The following RANBP17 variants were observed in gnomAD, a reference collection of about 807,000 sequenced individuals.
The protein encoded by RANBP17 is ran-binding protein 17.
RANBP17 carries 158 observed loss-of-function variants against 141.2 expected under a neutral mutation model. The ratio of observed to expected loss-of-function variants is 1.12; its 90% CI spans 0.98 to 1.28. The LOEUF (loss-of-function observed/expected upper bound fraction) is 1.28, where lower values mean the gene tolerates loss of function less well. Among genes scored for constraint, RANBP17 ranks in the 50% most tolerant of loss-of-function variants. The pLI is 0.00. For synonymous variants in RANBP17, 430 were observed against 450.0 expected, an observed-to-expected ratio of 0.96 and a Z score of 0.56; for missense variants, 1,438 against 1,290.7, an observed-to-expected ratio of 1.11 and a Z score of -1.75.
intron 5 of RANBP17, among the ~76,000 whole-genome samples, chr5:170,905,122 T>A (rs949628147): frequency 6.6e-6 from 1 of 152,188 alleles, no homozygotes; most frequent in African/African-American, 2.4e-5. Flanking sequence ...TTATGGCTCC[T>A]AGTTTGGATT....
At position 170,919,461 on chromosome 5, in the gene RANBP17, C is replaced by G; in HGVS notation, c.1122C>G (p.Asn374Lys). 1.9e-6 allele frequency: 3 copies of G among 1,597,128 alleles called. No individual in the cohort carries two copies. Among genetic ancestry groups the G allele is most frequent in the Non-Finnish European group, 2.6e-6 (3 of 1,174,092 alleles). Residue 374 changes from asparagine (N) to lysine (K), a missense_variant, in exon 11 of 28, where the codon AAC (asparagine) becomes AAG (lysine). Physicochemically the swap from Asn to Lys is moderately conservative, Grantham distance 94. Coordinates refer to ENST00000523189, the MANE Select transcript of RANBP17 (RefSeq NM_022897.5). Reference sequence around the variant, plus strand: ...TGTAGCACTGGGAATTTGCTCCTAACAGTGTTCATTATTTATTAACTCTGT... The same window carrying G: ...TGTAGCACTGGGAATTTGCTCCTAAGAGTGTTCATTATTTATTAACTCTGT... ...TSLQHWEFAP[N>K]SVHYLLTLWQ...
intron 25 of RANBP17, among the ~76,000 whole-genome samples, chr5:171,279,210 T>C (rs1373739715): frequency 2.6e-5 from 4 of 152,208 alleles, no homozygotes; most frequent in Non-Finnish European, 5.9e-5. Flanking sequence ...GACTTTTTTC[T>C]TACCTGTTCC....
At chr5:171,026,894 C>A (rs1333375528) in intron 14 of RANBP17, among the ~76,000 whole-genome samples, 2 of 152,178 alleles carry the variant, frequency 1.3e-5, no homozygotes, top group African/African-American at 2.4e-5. Flanking sequence ...ACCTGGACTA[C>A]ATGGCAGGAG....
chr5:170,897,339 C>T (rs1167361632), intron 5 of RANBP17: 1 of 549,838 alleles, frequency 1.8e-6, no homozygotes, highest in Non-Finnish European at 3.5e-6. Context: ...GGGCTTGGCA[C>T]ATTTCTTCTT....
chr5:170,924,342 A>G lies in RANBP17; in HGVS notation c.1275-15A>G. 4.6e-6 allele frequency: 7 copies of G among 1,530,724 alleles called. No homozygotes were observed. Among genetic ancestry groups the G allele is most frequent in the Non-Finnish European group, 6.2e-6 (7 of 1,120,102 alleles). 94.8% of individuals were successfully genotyped at this position (1,530,724 alleles called of 1,614,324 possible). ...ACATTCTAATGTTGTCTGCAAACTT[A>G]TTCTGTGTTTGCAGAGATCACTTAG... is the stretch of plus-strand genomic sequence containing the variant. On this transcript the variant is annotated splice_polypyrimidine_tract_variant and intron_variant, in intron 11 of 27. Coordinates refer to ENST00000523189, the MANE Select transcript of RANBP17 (RefSeq NM_022897.5).
intron 16 of RANBP17, among the ~76,000 whole-genome samples, chr5:171,176,868 T>A (rs1385576879): frequency 1.3e-5 from 2 of 152,160 alleles, no homozygotes; most frequent in Non-Finnish European, 2.9e-5. Context: ...GAATCCTGAA[T>A]GTGGTAGGTG....
At chr5:171,294,945 A>G (rs879757641) in intron 26 of RANBP17, among the ~76,000 whole-genome samples, 5 of 152,248 alleles carry the variant, frequency 3.3e-5, no homozygotes, top group Non-Finnish European at 5.9e-5. Context: ...TCACTGCATC[A>G]TTATAAAAGG....
chr5:171,211,728 T>G (rs1365865666), intron 20 of RANBP17, among the ~76,000 whole-genome samples: 1 of 151,770 alleles, frequency 6.6e-6, no homozygotes, highest in Non-Finnish European at 1.5e-5. Context: ...GAAAACTGTT[T>G]CAGTATATAC....
intron 25 of RANBP17, among the ~76,000 whole-genome samples, chr5:171,274,100 TA>T (rs1212954285): frequency 6.7e-6 from 1 of 149,808 alleles, no homozygotes; most frequent in African/African-American, 2.5e-5. Context: ...AAATAAAGTT[TA>T]GTTTGATCAA....
intron 16 of RANBP17, among the ~76,000 whole-genome samples, chr5:171,172,193 G>C (rs1760143322): frequency 6.6e-6 from 1 of 151,776 alleles, no homozygotes; most frequent in African/African-American, 2.4e-5. Context: ...AACCATAAAA[G>C]ATTTCCAAAG....
intron 18 of RANBP17, among the ~76,000 whole-genome samples, chr5:171,183,722 A>G (rs1167204556): frequency 1.3e-5 from 2 of 152,206 alleles, no homozygotes; most frequent in African/African-American, 4.8e-5. Context: ...CTATGAATCT[A>G]GGAATAATCT....
At chr5:171,055,902 A>AAC (rs1783327042) in intron 14 of RANBP17, among the ~76,000 whole-genome samples, 2 of 151,516 alleles carry the variant, frequency 1.3e-5, no homozygotes, top group African/African-American at 2.4e-5. Flanking sequence ...AAAAACAAAA[A>AAC]AAAAAACATT....
intron 24 of RANBP17, among the ~76,000 whole-genome samples, chr5:171,265,164 AATCT>A (rs1766586408): frequency 6.6e-6 from 1 of 152,224 alleles, no homozygotes; most frequent in Non-Finnish European, 1.5e-5. Context: ...AAATCTGCCT[AATCT>A]ATCCAGGAAT....
chr5:170,954,096 G>A (rs577415889), intron 13 of RANBP17, among the ~76,000 whole-genome samples: 3 of 152,202 alleles, frequency 2.0e-5, no homozygotes, highest in African/African-American at 7.2e-5. Flanking sequence ...ACAGTCTTAG[G>A]AAAAAGCAGT....
chr5:171,105,282 T>C (rs1300478717), intron 14 of RANBP17, among the ~76,000 whole-genome samples: 3 of 142,050 alleles, frequency 2.1e-5, no homozygotes, highest in Admixed American at 1.5e-4. Flanking sequence ...CTTGGGAGGC[T>C]GAGGCAGGAG....
intron 3 of RANBP17, among the ~76,000 whole-genome samples, chr5:170,890,264 A>G (rs1380292934): frequency 6.6e-6 from 1 of 152,232 alleles, no homozygotes; most frequent in Non-Finnish European, 1.5e-5. Context: ...TTTTATATTC[A>G]GGAAGCAGTG....
intron 25 of RANBP17, among the ~76,000 whole-genome samples, chr5:171,290,610 C>T (rs567506229): frequency 2.6e-5 from 4 of 152,276 alleles, no homozygotes; most frequent in African/African-American, 9.6e-5. Context: ...ACAACAGAAA[C>T]ATTGTCATTC....
At chr5:171,068,765 A>G (rs1784458499) in intron 14 of RANBP17, among the ~76,000 whole-genome samples, 1 of 151,882 alleles carries the variant, frequency 6.6e-6, no homozygotes, top group Non-Finnish European at 1.5e-5. Context: ...TTTTGTTTGT[A>G]TTTTTAGTAG....
chr5:171,063,690 A>G (rs1056683924), intron 14 of RANBP17, among the ~76,000 whole-genome samples: 1 of 152,174 alleles, frequency 6.6e-6, no homozygotes, highest in East Asian at 1.9e-4. Context: ...GCTCTCTTCA[A>G]AGCTCTCAGA....
Sources: allele counts gnomAD v4.1 joint callset (sites outside exome capture counted in the v4.1 genomes callset), GRCh38; gene constraint gnomAD v4.1.1; transcripts MANE v1.5; gene names NCBI Gene and HGNC (gene_info 2026-07-23, HGNC 2026-07-21).